Variants in MYO18B observed in about 807,000 individuals in gnomAD.
MYO18B encodes the protein unconventional myosin-XVIIIb.
In MYO18B, 204 loss-of-function variants were observed where a neutral mutation model predicts 273.0. That is an observed-to-expected ratio of 0.75 (90% confidence interval 0.67 to 0.84). MYO18B has a LOEUF of 0.84. Ranked by LOEUF, MYO18B falls within the 40% of genes least tolerant of loss-of-function variation. The pLI is 0.00. For synonymous variants in MYO18B, 1,330 were observed against 1,305.7 expected (o/e 1.02, Z -0.40); for missense variants, 3,212 against 3,287.6 (o/e 0.98, Z 0.56).
At chr22:26,002,545 A>G (rs1298668877) in intron 40 of MYO18B, among the ~76,000 whole-genome samples, 2 of 152,202 alleles carry the variant, frequency 1.3e-5, no homozygotes, top group Non-Finnish European at 2.9e-5. Context: ...ATTACAGCAG[A>G]GAATACTGAG....
chr22:25,810,442 T>C (rs2088695808), intron 12 of MYO18B, among the ~76,000 whole-genome samples: 2 of 145,040 alleles, frequency 1.4e-5, no homozygotes, highest in Non-Finnish European at 3.0e-5. Context: ...AATTTTTTTT[T>C]TTTTTTTTTG....
chr22:25,931,630 C>T (rs563140904), intron 34 of MYO18B, among the ~76,000 whole-genome samples: 5 of 151,632 alleles, frequency 3.3e-5, no homozygotes, highest in African/African-American at 9.7e-5. Flanking sequence ...GGCCAGACTC[C>T]AGAGGAGAGG....
intron 39 of MYO18B, among the ~76,000 whole-genome samples, chr22:25,979,858 G>A (rs1393185765): frequency 6.6e-6 from 1 of 151,990 alleles, no homozygotes; most frequent in African/African-American, 2.4e-5. Flanking sequence ...CCATCCCTGT[G>A]TGATAAGGTC....
chr22:25,911,207 G>T (rs558275811), intron 33 of MYO18B, among the ~76,000 whole-genome samples, 157 bp downstream of exon 33: 1 of 152,352 alleles, frequency 6.6e-6, no homozygotes, highest in South Asian at 2.1e-4. Context: ...TCAGGTGCCT[G>T]CAAACAGCAG....
chr22:25,796,179 G>A (rs2087901058), intron 11 of MYO18B, among the ~76,000 whole-genome samples: 1 of 152,196 alleles, frequency 6.6e-6, no homozygotes, highest in East Asian at 1.9e-4. Flanking sequence ...GTGCATAGTA[G>A]CTTCAGACTA....
At chr22:25,791,472 C>T (rs958636235) in intron 11 of MYO18B, among the ~76,000 whole-genome samples, 8 of 152,206 alleles carry the variant, frequency 5.3e-5, no homozygotes, top group African/African-American at 9.6e-5. Context: ...CACACTGTGC[C>T]CTTGCTGCCT....
At position 25,825,858 on chromosome 22, in the gene MYO18B, C is replaced by T. The variant is rs776101507; in HGVS notation, c.2696-551C>T. On this transcript the variant is annotated intron_variant, in intron 13 of 43. Transcript: ENST00000335473. ...AGTGAAATTATTAGGTCCCAGTATACGAACATTTTATGGCTTCTAATACAA... is the reference window on the plus strand; with the variant it reads ...AGTGAAATTATTAGGTCCCAGTATATGAACATTTTATGGCTTCTAATACAA... Among the ~76,000 whole-genome samples, 11 of 152,102 alleles carry T rather than the reference C, an allele frequency of 7.2e-5. 1 individual carries two copies. The highest frequency in any genetic ancestry group is 6.2e-4 in the South Asian group (3 of 4,816).
chr22:26,032,588 C>T (rs1601881219), downstream of MYO18B, among the ~76,000 whole-genome samples: 1 of 137,330 alleles, frequency 7.3e-6, no homozygotes, highest in East Asian at 2.2e-4. Context: ...GTGGTGTGAT[C>T]TCAGTTCACT....
rs1569225565 is a variant in MYO18B, at chr22:25,948,503, CT to C, written c.5748+676del. Among the ~76,000 whole-genome samples, 56 of 85,490 alleles carry C rather than the reference CT, an allele frequency of 6.6e-4. 1 individual carries two copies. The highest frequency in any genetic ancestry group is 2.4e-3 in the African/African-American group (55 of 22,604). The allele number at this position is 85,490 out of a possible 152,430, so 56.1% of individuals were successfully genotyped here. A position where few individuals can be genotyped will look rare whatever the true frequency, so the allele number is the denominator to read the frequency against. On this transcript the variant is annotated intron_variant, in intron 36 of 43. Coordinates refer to ENST00000335473, the MANE Select transcript of MYO18B (RefSeq NM_032608.7). ...CTTTCTTTCTCTTTCTTTCTTTCCT[CT>C]CTTTTCTCTTTCCTTCTTTCTTTCT...
intron 18 of MYO18B, 34 bp downstream of exon 18, chr22:25,843,928 G>A (rs2090159719): frequency 1.9e-6 from 3 of 1,580,352 alleles, no homozygotes; most frequent in South Asian, 1.1e-5. Context: ...CGGGGATGGA[G>A]CATTGGAGGC....
chr22:26,027,603 C>T lies in MYO18B; in HGVS notation c.7629C>T (p.Pro2543=), dbSNP rs370839729. Residue 2543 remains proline, a synonymous_variant, in exon 43 of 44, where the codon CCC becomes CCT. Coordinates refer to ENST00000335473, the MANE Select transcript of MYO18B (RefSeq NM_032608.7). The surrounding 1 kb of genome is among the most constrained non-coding windows in gnomAD (Gnocchi z 4.1). ...LAGDGGERTS[P]ERREPGTGRK... is the part of the protein sequence containing the mutation. ...GTGACGGTGGCGAGCGAACGTCCCC[C>T]GAGCGGAGAGAGCCAGGGACGGGGA... is the stretch of plus-strand genomic sequence containing the variant. The T allele has an allele frequency of 1.6e-4, 265 of 1,613,692 alleles. 1 individual carries two copies. Among genetic ancestry groups the T allele is most frequent in the East Asian group, 1.0e-3 (46 of 44,868 alleles).
intron 42 of MYO18B, among the ~76,000 whole-genome samples, chr22:26,011,890 G>A (rs1182675408): frequency 6.6e-6 from 1 of 152,132 alleles, no homozygotes; most frequent in African/African-American, 2.4e-5. Flanking sequence ...CTTTGGTGCC[G>A]ATTTAACACA....
intron 10 of MYO18B, among the ~76,000 whole-genome samples, chr22:25,782,207 G>A (rs1217015672): frequency 6.6e-6 from 1 of 152,254 alleles, no homozygotes; most frequent in Non-Finnish European, 1.5e-5. Flanking sequence ...AGGATTAAGA[G>A]AGATAATTTA....
chr22:26,025,929 G>T (rs1308494296), intron 42 of MYO18B, among the ~76,000 whole-genome samples: 1 of 152,184 alleles, frequency 6.6e-6, no homozygotes, highest in Non-Finnish European at 1.5e-5. Flanking sequence ...GGGGGAAAAA[G>T]ATTTTACCTA....
intron 21 of MYO18B, among the ~76,000 whole-genome samples, chr22:25,857,861 C>T (rs940890663): frequency 1.3e-5 from 2 of 152,232 alleles, no homozygotes; most frequent in African/African-American, 2.4e-5. Flanking sequence ...CCATGTTGGC[C>T]AGGCTGGTCT....
At chr22:25,989,095 G>C (rs2093233141) in intron 39 of MYO18B, among the ~76,000 whole-genome samples, 1 of 152,148 alleles carries the variant, frequency 6.6e-6, no homozygotes, top group South Asian at 2.1e-4. Context: ...GATGTGGACT[G>C]TACACCTTGC....
chr22:25,886,009 T>C (rs1265192260), intron 25 of MYO18B, among the ~76,000 whole-genome samples: 1 of 152,242 alleles, frequency 6.6e-6, no homozygotes, highest in Non-Finnish European at 1.5e-5. Context: ...CAACCCGTAT[T>C]CATTGAGTCC....
chr22:25,773,122 GC>G (rs2086784063), intron 7 of MYO18B, among the ~76,000 whole-genome samples: 1 of 152,168 alleles, frequency 6.6e-6, no homozygotes, highest in South Asian at 2.1e-4. Flanking sequence ...AAATCTCTAA[GC>G]GCCACCTTGT....
intron 40 of MYO18B, among the ~76,000 whole-genome samples, chr22:25,995,088 T>C (rs1249112445): frequency 6.6e-6 from 1 of 152,152 alleles, no homozygotes; most frequent in Admixed American, 6.5e-5. Flanking sequence ...GTATACACGA[T>C]AGAGTACTAT....
Sources: gnomAD v4.1 joint callset for allele counts (sites outside exome capture counted in the v4.1 genomes callset) on GRCh38, gnomAD v4.1.1 for gene constraint, Gnocchi (gnomAD v3.1) non-coding constraint, MANE v1.5 for transcripts, NCBI Gene and HGNC (gene_info 2026-07-23, HGNC 2026-07-21) for gene names.